The following BBS9 variants were observed in gnomAD, a reference collection of about 807,000 sequenced individuals.
BBS9 encodes protein PTHB1.
A neutral mutation model predicts 117.7 loss-of-function variants in BBS9; 89 were observed. The ratio of observed to expected loss-of-function variants is 0.76; its 90% CI spans 0.64 to 0.90. The LOEUF (loss-of-function observed/expected upper bound fraction) is 0.90, where lower values mean the gene tolerates loss of function less well. BBS9 is among the 40% of genes least tolerant of loss of function. The pLI is 0.00. For synonymous variants in BBS9, 379 were observed against 370.9 expected (o/e 1.02, Z -0.25); for missense variants, 982 against 1,042.2 (o/e 0.94, Z 0.80).
chr7:33,624,718 G>A (rs1319213591), intron 21 of BBS9, among the ~76,000 whole-genome samples: 1 of 152,192 alleles, frequency 6.6e-6, no homozygotes, highest in African/African-American at 2.4e-5. Context: ...TGTAAATAGA[G>A]AAACCATGTA....
At chr7:33,453,278 A>G (rs909805260) in intron 19 of BBS9, among the ~76,000 whole-genome samples, 2 of 152,162 alleles carry the variant, frequency 1.3e-5, no homozygotes, top group Non-Finnish European at 2.9e-5. Context: ...AAGGTACTAA[A>G]TGGCCTTTGC....
intron 9 of BBS9, among the ~76,000 whole-genome samples, chr7:33,330,976 A>G (rs17170189): frequency 0.12 from 18,059 of 152,154 alleles, 1,302 homozygotes; most frequent in African/African-American, 0.19. Flanking sequence ...ATTAACCCAC[A>G]TGAACAATAT....
intron 5 of BBS9, among the ~76,000 whole-genome samples, chr7:33,221,929 G>A (rs1790327546): frequency 6.6e-6 from 1 of 151,942 alleles, no homozygotes; most frequent in South Asian, 2.1e-4. Context: ...ACACATATAT[G>A]ATATGAAATA....
intron 19 of BBS9, among the ~76,000 whole-genome samples, chr7:33,403,863 T>C (rs975435008): frequency 2.0e-4 from 31 of 152,170 alleles, no homozygotes; most frequent in African/African-American, 7.5e-4. Context: ...ATGGTATTTC[T>C]AGTTCTAGAT....
intron 19 of BBS9, among the ~76,000 whole-genome samples, chr7:33,476,315 T>C (rs943098727): frequency 2.0e-5 from 3 of 152,202 alleles, no homozygotes; most frequent in Non-Finnish European, 4.4e-5. Flanking sequence ...GGTGGAAACC[T>C]GTGCAGTTAC....
chr7:33,500,633 A>G (rs866491746), intron 19 of BBS9, among the ~76,000 whole-genome samples: 3 of 152,352 alleles, frequency 2.0e-5, no homozygotes, highest in Middle Eastern at 3.4e-3. Context: ...GCTAAACAGC[A>G]ATGTAGTGTT....
intron 9 of BBS9, among the ~76,000 whole-genome samples, chr7:33,311,445 G>A (rs192949637): frequency 1.3e-5 from 2 of 152,298 alleles, no homozygotes; most frequent in African/African-American, 4.8e-5. Context: ...AGTGCTCACA[G>A]CATTTGAGAT....
intron 5 of BBS9, among the ~76,000 whole-genome samples, chr7:33,222,843 C>T (rs150017761): frequency 9.9e-5 from 15 of 151,646 alleles, no homozygotes; most frequent in African/African-American, 3.6e-4. Flanking sequence ...GTCCCAGCTA[C>T]TCGGGAGGCT....
Position 33,362,284 on chromosome 7 carries a change from G to A in BBS9, c.1693+4289G>A, listed in dbSNP as rs140327714. On this transcript the variant is annotated intron_variant, in intron 16 of 22. Coordinates refer to ENST00000242067, the MANE Select transcript of BBS9 (RefSeq NM_198428.3). Reference sequence around the variant, plus strand: ...GTTCTTAATCTTCATAAACCCCCCCGTTTATCAATTTCTTAATGGTTCATA... The same window carrying A: ...GTTCTTAATCTTCATAAACCCCCCCATTTATCAATTTCTTAATGGTTCATA... Among the ~76,000 whole-genome samples, 1,121 of 151,976 alleles carry A rather than the reference G, an allele frequency of 7.4e-3. 7 individuals carry two copies. Among genetic ancestry groups the A allele is most frequent in the Middle Eastern group, 0.02 (6 of 294 alleles).
At chr7:33,144,478 C>T (rs1047663858) in intron 1 of BBS9, among the ~76,000 whole-genome samples, 1 of 152,196 alleles carries the variant, frequency 6.6e-6, no homozygotes, top group Non-Finnish European at 1.5e-5. Flanking sequence ...AAAATTGAGT[C>T]ACCTGATGCA....
intron 5 of BBS9, among the ~76,000 whole-genome samples, chr7:33,197,731 A>G (rs1049727499): frequency 6.6e-6 from 1 of 151,998 alleles, no homozygotes. Flanking sequence ...AGATCTTTAT[A>G]TAATTATTTA....
intron 13 of BBS9, among the ~76,000 whole-genome samples, chr7:33,351,003 C>G (rs1327511982): frequency 6.6e-6 from 1 of 152,150 alleles, no homozygotes; most frequent in Non-Finnish European, 1.5e-5. Context: ...CTTAGGCAAG[C>G]TTCTTAATCT....
At chr7:33,219,131 G>A (rs984136398) in intron 5 of BBS9, among the ~76,000 whole-genome samples, 8 of 152,206 alleles carry the variant, frequency 5.3e-5, no homozygotes, top group African/African-American at 1.2e-4. Flanking sequence ...CAGCAGCTGC[G>A]GAGGGTATAC....
intron 21 of BBS9, among the ~76,000 whole-genome samples, chr7:33,623,014 G>A (rs1269040615): frequency 2.0e-5 from 3 of 152,112 alleles, no homozygotes; most frequent in Non-Finnish European, 2.9e-5. Context: ...TGCAGTGAAG[G>A]ATTCCTTAAT....
chr7:33,253,618 A>T (rs933322213), intron 5 of BBS9, among the ~76,000 whole-genome samples: 2 of 152,196 alleles, frequency 1.3e-5, no homozygotes, highest in Admixed American at 1.3e-4. Context: ...TCTCAGAACA[A>T]AACAAAAAGA....
Position 33,372,617 on chromosome 7 carries a change from C to T in BBS9, c.1789+4755C>T, listed in dbSNP as rs552891153. ...AGGGATACTGGCCTGTAGTTTTCTTCTTTTGTTATGTCCTTATCTGATTTT... is the reference window on the plus strand; with the variant it reads ...AGGGATACTGGCCTGTAGTTTTCTTTTTTTGTTATGTCCTTATCTGATTTT... On this transcript the variant is annotated intron_variant, in intron 17 of 22. Coordinates refer to ENST00000242067, the MANE Select transcript of BBS9 (RefSeq NM_198428.3). Among the ~76,000 whole-genome samples the T allele has an allele frequency of 3.0e-4, 46 of 152,074 alleles. No individual in the cohort carries two copies. In the Middle Eastern group the frequency reaches 0.01, roughly 34 times the overall value.
At chr7:33,598,678 A>G (rs1363231430) in intron 21 of BBS9, among the ~76,000 whole-genome samples, 1 of 152,132 alleles carries the variant, frequency 6.6e-6, no homozygotes, top group Non-Finnish European at 1.5e-5. Context: ...TTAGAGAAAA[A>G]TTTTTTTACC....
chr7:33,376,326 G>T (rs766327987), intron 17 of BBS9, among the ~76,000 whole-genome samples: 6 of 152,018 alleles, frequency 3.9e-5, no homozygotes, highest in Non-Finnish European at 8.8e-5. Context: ...AGTTTGCTAG[G>T]AATATTGGCC....
At chr7:33,518,382 C>T (rs1215514633) in intron 20 of BBS9, among the ~76,000 whole-genome samples, 7 of 151,482 alleles carry the variant, frequency 4.6e-5, no homozygotes, top group Non-Finnish European at 7.4e-5. Context: ...TCCCGAGTAG[C>T]TGGGATTACA....
Sources: allele counts gnomAD v4.1 joint callset (sites outside exome capture counted in the v4.1 genomes callset), GRCh38; gene constraint gnomAD v4.1.1; transcripts MANE v1.5; gene names NCBI Gene and HGNC (gene_info 2026-07-23, HGNC 2026-07-21).